The following GRAMD1C variants were observed in gnomAD, a reference collection of about 807,000 sequenced individuals.
The protein encoded by GRAMD1C is protein Aster-C.
A neutral mutation model predicts 97.8 loss-of-function variants in GRAMD1C; 89 were observed. The observed-to-expected ratio is 0.91, with a 90% CI of 0.77 to 1.09. GRAMD1C has a LOEUF of 1.09. Among genes scored for constraint, GRAMD1C ranks in the 50% least tolerant of loss-of-function variants. The probability of loss-of-function intolerance (pLI) is 0.00; values close to 1 mark genes in which losing one functional copy is unlikely to be tolerated. For synonymous variants in GRAMD1C, 256 were observed against 267.0 expected, an observed-to-expected ratio of 0.96 and a Z score of 0.40; for missense variants, 740 against 766.4, an observed-to-expected ratio of 0.97 and a Z score of 0.41.
chr3:113,885,227 G>T, intron 6 of GRAMD1C: 5 of 895,844 alleles, frequency 5.6e-6, no homozygotes, highest in South Asian at 4.4e-5. Flanking sequence ...CTTCGGCGGG[G>T]GTTGCCCCCG....
intron 10 of GRAMD1C, chr3:113,919,987 C>G (rs951041069): frequency 1.5e-6 from 1 of 670,342 alleles, no homozygotes; most frequent in African/African-American, 1.8e-5. Context: ...GGGATATGAC[C>G]CTACTCCAAC....
At position 113,934,491 on chromosome 3, in the gene GRAMD1C, A is replaced by T; in HGVS notation, c.1412A>T (p.Glu471Val). ...TGGGGCCTTGTCAAATCTTTAATTGAAAAGAATTCCTGGAGTTCTTTGGAG... is the reference window on the plus strand; with the variant it reads ...TGGGGCCTTGTCAAATCTTTAATTGTAAAGAATTCCTGGAGTTCTTTGGAG... ...QPWGLVKSLI[E>V]KNSWSSLEDY... Residue 471 changes from glutamate (E) to valine (V), a missense_variant, in exon 13 of 18, where the codon GAA (glutamate) becomes GTA (valine). By Grantham distance (121) the Glu-to-Val change is moderately radical (BLOSUM62 -2). Transcript: ENST00000358160. 1 of 1,591,008 alleles carries T rather than the reference A, an allele frequency of 6.3e-7. No individual in the cohort carries two copies. The highest frequency in any genetic ancestry group is 8.6e-7 in the Non-Finnish European group (1 of 1,164,750).
chr3:113,862,125 G>A (rs1934400008), intron 2 of GRAMD1C, among the ~76,000 whole-genome samples: 1 of 152,204 alleles, frequency 6.6e-6, no homozygotes, highest in African/African-American at 2.4e-5. Flanking sequence ...AATTAGAATT[G>A]CTAATGAAGT....
At chr3:113,849,898 C>G (rs1186224834) in intron 2 of GRAMD1C, among the ~76,000 whole-genome samples, 1 of 150,248 alleles carries the variant, frequency 6.7e-6, no homozygotes, top group African/African-American at 2.4e-5. Flanking sequence ...ACCTCCCGGA[C>G]GGGGCGGCTG....
intron 5 of GRAMD1C, among the ~76,000 whole-genome samples, chr3:113,880,369 T>G (rs1320569385): frequency 6.6e-6 from 1 of 152,192 alleles, no homozygotes; most frequent in African/African-American, 2.4e-5. Flanking sequence ...TTGCTCTTTT[T>G]TAAAAAAAGT....
rs148825583 is a variant in GRAMD1C, at chr3:113,936,367, G to A, written c.1558G>A (p.Ala520Thr). 2.5e-5 allele frequency: 41 copies of A among 1,613,448 alleles called. No individual in the cohort carries two copies. The African/African-American group carries it at 5.1e-4, about 20-fold the overall frequency. The change falls in exon 14 of 18, where the codon GCA becomes ACA. Residue 520 changes from alanine (A) to threonine (T), a missense_variant. Coordinates refer to ENST00000358160, the MANE Select transcript of GRAMD1C (RefSeq NM_017577.5). ...GAGAAGGCGAACCTTCAACCGAACA[G>A]CAGAAACAGTTCCTAAACTTTCCTC... ...RRRRRTFNRT[A>T]ETVPKLSSQH...
At chr3:113,937,208 T>C (rs1937593851) in intron 14 of GRAMD1C, among the ~76,000 whole-genome samples, 1 of 152,230 alleles carries the variant, frequency 6.6e-6, no homozygotes, top group Non-Finnish European at 1.5e-5. Flanking sequence ...ATAACTGTTA[T>C]TCCCTTCCTC....
At chr3:113,887,774 G>C (rs1298730953) in intron 6 of GRAMD1C, among the ~76,000 whole-genome samples, 1 of 125,388 alleles carries the variant, frequency 8.0e-6, no homozygotes, top group Non-Finnish European at 1.7e-5. Context: ...AAAAAAAGAA[G>C]ACTACAATTG....
intron 2 of GRAMD1C, among the ~76,000 whole-genome samples, chr3:113,865,239 A>G (rs1458927794): frequency 1.3e-5 from 2 of 152,180 alleles, no homozygotes; most frequent in African/African-American, 4.8e-5. Context: ...TTCATGAGGG[A>G]TCCCTCATAA....
chr3:113,932,762 G>C (rs1312733876), intron 11 of GRAMD1C, among the ~76,000 whole-genome samples: 1 of 152,156 alleles, frequency 6.6e-6, no homozygotes, highest in Non-Finnish European at 1.5e-5. Context: ...CTGGAGTGTA[G>C]TGGTGCAGTC....
upstream of GRAMD1C, among the ~76,000 whole-genome samples, chr3:113,834,157 G>T (rs13087470): frequency 6.6e-6 from 1 of 151,826 alleles, no homozygotes; most frequent in Non-Finnish European, 1.5e-5. Flanking sequence ...TGCCAAATTC[G>T]CTATATTACT....
At chr3:113,917,427 G>A (rs904990367) in intron 10 of GRAMD1C, among the ~76,000 whole-genome samples, 3 of 152,022 alleles carry the variant, frequency 2.0e-5, no homozygotes, top group African/African-American at 4.8e-5. Context: ...AGGTTCAAGC[G>A]ATTCTTGTGC....
chr3:113,911,712 C>CTTCTTTCTCTTCT (rs1299419895), intron 9 of GRAMD1C, among the ~76,000 whole-genome samples: 1 of 129,522 alleles, frequency 7.7e-6, no homozygotes, highest in Non-Finnish European at 1.6e-5. Context: ...TCCTTCCTTC[C>CTTCTTTCTCTTCT]TTCCTTCCTT....
chr3:113,925,286 G>A (rs1577212193), intron 10 of GRAMD1C, among the ~76,000 whole-genome samples: 1 of 152,148 alleles, frequency 6.6e-6, no homozygotes, highest in Non-Finnish European at 1.5e-5. Flanking sequence ...TCAGGAGATC[G>A]AGACCATCCT....
chr3:113,842,407 T>C (rs1047810071), intron 1 of GRAMD1C, among the ~76,000 whole-genome samples: 5 of 152,336 alleles, frequency 3.3e-5, no homozygotes, highest in African/African-American at 9.6e-5. Context: ...TTTTAAATTC[T>C]GTATGTTTTG....
intron 10 of GRAMD1C, among the ~76,000 whole-genome samples, chr3:113,923,362 G>T (rs1937128322): frequency 6.6e-6 from 1 of 152,090 alleles, no homozygotes; most frequent in Non-Finnish European, 1.5e-5. Context: ...AAGGGGAATT[G>T]TTCCAGCTTT....
At chr3:113,884,549 G>A (rs1302945866) in intron 6 of GRAMD1C, among the ~76,000 whole-genome samples, 1 of 152,100 alleles carries the variant, frequency 6.6e-6, no homozygotes, top group Non-Finnish European at 1.5e-5. Context: ...TAAGAAATTA[G>A]AGGCCGGGCG....
At chr3:113,832,885 G>A (rs1276325567) in intron 1 of GRAMD1C, among the ~76,000 whole-genome samples, 2 of 152,072 alleles carry the variant, frequency 1.3e-5, no homozygotes, top group Non-Finnish European at 2.9e-5. Flanking sequence ...TGCCTTAGCC[G>A]AGCAAAAAGT....
intron 2 of GRAMD1C, among the ~76,000 whole-genome samples, chr3:113,847,355 A>G (rs1933655820): frequency 6.6e-6 from 1 of 152,240 alleles, no homozygotes; most frequent in South Asian, 2.1e-4. Context: ...ATTATATCTT[A>G]GGAAATAACA....
Sources: gnomAD v4.1 joint callset for allele counts (sites outside exome capture counted in the v4.1 genomes callset) on GRCh38, gnomAD v4.1.1 for gene constraint, MANE v1.5 for transcripts, NCBI Gene and HGNC (gene_info 2026-07-23, HGNC 2026-07-21) for gene names.